GPR135: variants seen among roughly 807,000 people sequenced by gnomAD.
GPR135 encodes G-protein coupled receptor 135.
A neutral mutation model predicts 15.0 loss-of-function variants in GPR135; 17 were observed. The observed-to-expected ratio is 1.13, with a 90% CI of 0.78 to 1.70. The LOEUF is 1.70. Among genes scored for constraint, GPR135 ranks in the 40% most tolerant of loss-of-function variants. GPR135 has a pLI of 0.00. For missense variants in GPR135, 776 were observed against 727.0 expected (o/e 1.07, Z -0.78); for synonymous variants, 368 against 349.4 (o/e 1.05, Z -0.59).
chr14:59,457,359 A>C (rs886304364), downstream of GPR135, among the ~76,000 whole-genome samples: 2 of 151,810 alleles, frequency 1.3e-5, no homozygotes, highest in Non-Finnish European at 2.9e-5. Context: ...AATTTTTTTA[A>C]GACTCAAATT....
Position 59,463,590 on chromosome 14 carries a change from T to C in GPR135, c.*152A>G. 1 of 707,016 alleles carries C rather than the reference T, an allele frequency of 1.4e-6. No homozygotes were observed. Among genetic ancestry groups the C allele is most frequent in the East Asian group, 2.8e-5 (1 of 35,432 alleles). 43.8% of individuals were successfully genotyped at this position (707,016 alleles called of 1,614,324 possible). A position where few individuals can be genotyped will look rare whatever the true frequency, so the allele number is the denominator to read the frequency against. ...TGGCACTTTTGAAGAAGGGACATTG[T>C]CTTTTATGTTGTTTGGGGAAAGTGG... On this transcript the variant is annotated 3_prime_UTR_variant, in exon 1 of 1. Coordinates refer to ENST00000395116, the MANE Select transcript of GPR135 (RefSeq NM_022571.6).
Position 59,464,780 on chromosome 14 carries a change from A to T in GPR135, c.447T>A (p.Asp149Glu), listed in dbSNP as rs752933972. The T allele has an allele frequency of 5.7e-6, 9 of 1,573,790 alleles. No individual in the cohort carries two copies. Among genetic ancestry groups the T allele is most frequent in the Non-Finnish European group, 7.8e-6 (9 of 1,159,320 alleles). Residue 149 changes from aspartate to glutamate, a missense_variant, in exon 1 of 1, where the codon GAT becomes GAA. Transcript: ENST00000395116. ...GCAGGCAGAGCAGCGCCGTGAGCAG[A>T]TCCGATAGGGACAGCGACAGGATGA... ...NAFILSLSLS[D>E]LLTALLCLPA... is the part of the protein sequence containing the mutation.
chr14:59,464,579 C>T lies in GPR135; in HGVS notation c.648G>A (p.Pro216=), dbSNP rs1375773782. Residue 216 remains proline, a synonymous_variant, in exon 1 of 1, where the codon CCG becomes CCA. Coordinates refer to ENST00000395116, the MANE Select transcript of GPR135 (RefSeq NM_022571.6). ...SLDRYCAIVR[P]PREKIGRRRA... is the part of the protein sequence containing the mutation. ...GGCGGCGGCCGATCTTCTCCCGCGG[C>T]GGCCGCACGATAGCGCAGTAACGGT... is the stretch of plus-strand genomic sequence containing the variant. The T allele has an allele frequency of 1.3e-6, 2 of 1,578,726 alleles. No homozygotes were observed. The highest frequency in any genetic ancestry group is 1.7e-6 in the Non-Finnish European group (2 of 1,171,960).
In GPR135 at chr14:59,463,638, T is replaced by A; in HGVS notation, c.*104A>T. The A allele has an allele frequency of 2.6e-6, 3 of 1,138,688 alleles. No homozygotes were observed. The highest frequency in any genetic ancestry group is 3.3e-5 in the South Asian group (2 of 61,196). The allele number at this position is 1,138,688 out of a possible 1,614,324, so 70.5% of individuals were successfully genotyped here. ...TGGTAAGCCTCCCCCGTCTCTAGCT[T>A]TAAATGTTTGGCTTTATGAAATCCA... On this transcript the variant is annotated 3_prime_UTR_variant, in exon 1 of 1. Transcript: ENST00000395116.
chr14:59,456,620 T>A (rs1173408176), downstream of GPR135: 1 of 152,252 alleles, frequency 6.6e-6, no homozygotes, highest in East Asian at 1.9e-4. Flanking sequence ...CTCCTACCTA[T>A]AATATTCTAC....
At position 59,464,244 on chromosome 14, in the gene GPR135, C is replaced by T. The variant is rs769900849; in HGVS notation, c.983G>A (p.Arg328His). The T allele has an allele frequency of 6.2e-7, 1 of 1,611,672 alleles. No homozygotes were observed. Reference protein sequence around the residue: ...ARVLRFFSEVRTATTVLIMIV... With the variant: ...ARVLRFFSEVHTATTVLIMIV... Reference sequence around the variant, plus strand: ...CATGATGAGGACGGTGGTGGCCGTGCGCACCTCGCTGAAGAAGCGCAGCAC... The same window carrying T: ...CATGATGAGGACGGTGGTGGCCGTGTGCACCTCGCTGAAGAAGCGCAGCAC... Residue 328 changes from arginine (R) to histidine (H), a missense_variant, in exon 1 of 1, where the codon CGC (arginine) becomes CAC (histidine). Coordinates refer to ENST00000395116, the MANE Select transcript of GPR135 (RefSeq NM_022571.6).
chr14:59,457,327 G>A (rs1396517911), downstream of GPR135, among the ~76,000 whole-genome samples: 1 of 152,062 alleles, frequency 6.6e-6, no homozygotes, highest in Non-Finnish European at 1.5e-5. Flanking sequence ...AGTTTCTTCA[G>A]TTTCTTGGAT....
Position 59,464,526 on chromosome 14 carries a change from C to T in GPR135, c.701G>A (p.Trp234Ter). 6.5e-7 allele frequency: 1 copy of T among 1,541,368 alleles called. No individual in the cohort carries two copies. The highest frequency in any genetic ancestry group is 8.7e-7 in the Non-Finnish European group (1 of 1,154,510). Residue 234 changes from tryptophan to a stop codon, truncating the protein, a stop_gained, in exon 1 of 1, where the codon TGG becomes TAG. Transcript: ENST00000395116. LOFTEE classifies it high-confidence loss of function. ...CAAGGAGAAGCCCAGGGCCGTCAGC[C>T]AGGCGCCCGCCAGCAGCTGCAGCGC... ...RRALQLLAGA[W>*]LTALGFSLPW...
rs766833475 is a variant in GPR135 at position 59,464,775 on chromosome 14, A to G, written c.452T>C (p.Leu151Pro). 6.4e-7 allele frequency: 1 copy of G among 1,571,998 alleles called. No individual in the cohort carries two copies. The highest frequency in any genetic ancestry group is 2.3e-5 in the East Asian group (1 of 42,644). ...FILSLSLSDL[L>P]TALLCLPAAF... ...GGCGGGCAGGCAGAGCAGCGCCGTG[A>G]GCAGATCCGATAGGGACAGCGACAG... The change falls in exon 1 of 1, where the codon CTC becomes CCC. Residue 151 changes from leucine to proline, a missense_variant. By Grantham distance (98) the Leu-to-Pro change is moderately conservative. Coordinates refer to ENST00000395116, the MANE Select transcript of GPR135 (RefSeq NM_022571.6).
At chr14:59,459,798 G>A (rs369610162), downstream of GPR135, among the ~76,000 whole-genome samples, 3 of 152,178 alleles carry the variant, frequency 2.0e-5, no homozygotes, top group East Asian at 3.9e-4. Flanking sequence ...GAGAGATTAC[G>A]GCATGCTTAA....
At chr14:59,456,701 A>G (rs1888667487), downstream of GPR135, among the ~76,000 whole-genome samples, 1 of 152,224 alleles carries the variant, frequency 6.6e-6, no homozygotes, top group Non-Finnish European at 1.5e-5. Flanking sequence ...TTATTTTCCA[A>G]TAGTATAAAA....
At chr14:59,453,257 G>T (rs1888547180) in intron 6 of GPR135, among the ~76,000 whole-genome samples, 1 of 152,132 alleles carries the variant, frequency 6.6e-6, no homozygotes, top group Admixed American at 6.5e-5. Flanking sequence ...TGTCATTGTA[G>T]GTTTATTGAT....
Position 59,464,895 on chromosome 14 carries a change from AG to A in GPR135, c.331del (p.Leu111CysfsTer14). On this transcript the variant is annotated frameshift_variant, in exon 1 of 1. Transcript: ENST00000395116. LOFTEE classifies it high-confidence loss of function. ...AAVAAQALVL[L>X]LIFLLSSLGN... ...AAGGCTAGACAGCAGGAAGATGAGC[AG>A]GAGGACGAGCGCCTGGGCCGCCACT... 1 of 1,605,162 alleles carries A rather than the reference AG, an allele frequency of 6.2e-7. No individual in the cohort carries two copies. Among genetic ancestry groups the A allele is most frequent in the Non-Finnish European group, 8.5e-7 (1 of 1,176,864 alleles).
At chr14:59,459,552 G>A (rs1888782366), downstream of GPR135, among the ~76,000 whole-genome samples, 1 of 152,214 alleles carries the variant, frequency 6.6e-6, no homozygotes, top group South Asian at 2.1e-4. Context: ...GTTCACCAAT[G>A]CACTGGCACT....
downstream of GPR135, among the ~76,000 whole-genome samples, chr14:59,458,576 C>T (rs1222545899): frequency 2.0e-5 from 3 of 151,956 alleles, no homozygotes; most frequent in East Asian, 1.9e-4. Context: ...TACTCCTATG[C>T]GAACTCTCTG....
intron 6 of GPR135, among the ~76,000 whole-genome samples, chr14:59,454,373 C>T (rs2005388): frequency 0.4 from 60,399 of 151,988 alleles, 12,859 homozygotes; most frequent in African/African-American, 0.54. Flanking sequence ...GACTAATACA[C>T]GTGGTTTATG....
rs951991837 is a variant in GPR135, at chr14:59,464,669, G to A, written c.558C>T (p.Ala186=). 2 of 1,589,836 alleles carry A rather than the reference G, an allele frequency of 1.3e-6. No homozygotes were observed. The highest frequency in any genetic ancestry group is 2.3e-5 in the East Asian group (1 of 44,198). ...CGAAGCACGAGCTGAAGAAGCGGCT[G>A]GCGGCGCAGAAGCCGCGCCAGGGCC... ...AAGPWRGFCA[A]SRFFSSCFGI... The change falls in exon 1 of 1, where the codon GCC becomes GCT. Residue 186 remains alanine (A), a synonymous_variant. Transcript: ENST00000395116.
chr14:59,464,036 G>C lies in GPR135; in HGVS notation c.1191C>G (p.Leu397=). The C allele has an allele frequency of 1.2e-6, 2 of 1,613,822 alleles. No individual in the cohort carries two copies. The highest frequency in any genetic ancestry group is 1.7e-6 in the Non-Finnish European group (2 of 1,180,022). The change falls in exon 1 of 1, where the codon CTC becomes CTG. Residue 397 remains leucine (L), a synonymous_variant. Transcript: ENST00000395116. ...AGCCCTCCTCGCGGTTGCGCCCTAG[G>C]AGCATCGAAATGTTGGGATTGCGGA... is the stretch of plus-strand genomic sequence containing the variant. ...YAIRNPNISM[L]LGRNREEGYR...
Position 59,463,652 on chromosome 14 carries a change from T to A in GPR135, c.*90A>T. 7.8e-7 allele frequency: 1 copy of A among 1,274,980 alleles called. No individual in the cohort carries two copies. The highest frequency in any genetic ancestry group is 2.4e-5 in the East Asian group (1 of 41,314). The allele number at this position is 1,274,980 out of a possible 1,614,324, so 79.0% of individuals were successfully genotyped here. A position where few individuals can be genotyped will look rare whatever the true frequency, so the allele number is the denominator to read the frequency against. ...CGTCTCTAGCTTTAAATGTTTGGCT[T>A]TATGAAATCCACAACTCTCCCCCAG... On this transcript the variant is annotated 3_prime_UTR_variant, in exon 1 of 1. Coordinates refer to ENST00000395116, the MANE Select transcript of GPR135 (RefSeq NM_022571.6).
Sources: allele counts gnomAD v4.1 joint callset (sites outside exome capture counted in the v4.1 genomes callset), GRCh38; gene constraint gnomAD v4.1.1; transcripts MANE v1.5; gene names NCBI Gene and HGNC (gene_info 2026-07-23, HGNC 2026-07-21).